The following PALM2AKAP2 variants were observed in gnomAD, a reference collection of about 807,000 sequenced individuals.
PALM2AKAP2 encodes the protein PALM2-AKAP2 fusion protein.
Under a neutral mutation model 71.5 loss-of-function variants are expected in PALM2AKAP2, and 37 were observed. That is an observed-to-expected ratio of 0.52 (90% CI 0.40 to 0.68). The LOEUF is 0.68. Ranked by LOEUF, PALM2AKAP2 falls within the 30% of genes least tolerant of loss-of-function variation. The pLI, the probability that PALM2AKAP2 is intolerant of heterozygous loss-of-function variation, is 0.00. For missense variants in PALM2AKAP2, 1,224 were observed against 1,191.8 expected (o/e 1.03, Z -0.40); for synonymous variants, 468 against 478.8 (o/e 0.98, Z 0.29).
intron 1 of PALM2AKAP2, among the ~76,000 whole-genome samples, chr9:110,111,086 C>CTTTTTTTTTTTTTTTTTTTTT (rs34958946): frequency 2.0e-4 from 17 of 84,188 alleles, no homozygotes; most frequent in African/African-American, 2.5e-4. Context: ...TTTCTTTCTT[C>CTTTTTTTTTTTTTTTTTTTTT]TTTTTTTTTT....
At chr9:109,860,263 C>T (rs1474211058) in intron 1 of PALM2AKAP2, among the ~76,000 whole-genome samples, 1 of 151,754 alleles carries the variant, frequency 6.6e-6, no homozygotes, top group East Asian at 1.9e-4. Flanking sequence ...CTTTTTTTTC[C>T]CCTCAGATGT....
rs528981600 is a variant in PALM2AKAP2, at chr9:109,935,068, C to G, written c.496+3040C>G. 4.6e-5 allele frequency among the ~76,000 whole-genome samples: 7 copies of G among 152,324 alleles called. No individual in the cohort carries two copies. The East Asian group carries it at 1.3e-3, about 29-fold the overall frequency. ...GGATTTGACAGGGCTCTGACATTCC[C>G]TCCCATTTCAAACACGCGCAGTTCC... On this transcript the variant is annotated intron_variant, in intron 6 of 9. Coordinates refer to the PALM2AKAP2 transcript ENST00000302798.
chr9:109,878,009 T>C (rs1170267327), intron 2 of PALM2AKAP2, among the ~76,000 whole-genome samples: 1 of 152,248 alleles, frequency 6.6e-6, no homozygotes, highest in Non-Finnish European at 1.5e-5. Context: ...TGGCCTCTCA[T>C]AATGTGCAAA....
chr9:109,938,700 G>A (rs1482114914), intron 6 of PALM2AKAP2, among the ~76,000 whole-genome samples: 2 of 152,126 alleles, frequency 1.3e-5, no homozygotes, highest in Admixed American at 6.6e-5. Context: ...TTAAGAAGGT[G>A]TTCTGTTCTT....
At chr9:110,154,838 G>T (rs563229749) in intron 2 of PALM2AKAP2, among the ~76,000 whole-genome samples, 1 of 152,126 alleles carries the variant, frequency 6.6e-6, no homozygotes, top group Admixed American at 6.5e-5. Context: ...GGTGTATCCT[G>T]CCAAACATAT....
chr9:109,770,043 C>G (rs947070228), intron 1 of PALM2AKAP2, among the ~76,000 whole-genome samples: 30 of 152,088 alleles, frequency 2.0e-4, no homozygotes, highest in Non-Finnish European at 4.0e-4. Flanking sequence ...GCATTTGTGC[C>G]TTTTCTGTGC....
chr9:109,869,752 C>A (rs761534535), intron 2 of PALM2AKAP2, among the ~76,000 whole-genome samples: 3 of 152,046 alleles, frequency 2.0e-5, no homozygotes, highest in Admixed American at 6.5e-5. Context: ...GACTTGGAAA[C>A]AAGGGAATCA....
At chr9:109,799,153 G>C (rs967092433) in intron 1 of PALM2AKAP2, among the ~76,000 whole-genome samples, 2 of 152,248 alleles carry the variant, frequency 1.3e-5, no homozygotes, top group African/African-American at 4.8e-5. Flanking sequence ...CAAAGGAGGA[G>C]CATGGGCAAA....
rs114525275 is a variant in PALM2AKAP2, at chr9:110,016,638, A to T, written c.582+599A>T. On this transcript the variant is annotated intron_variant, in intron 7 of 9. Coordinates refer to the PALM2AKAP2 transcript ENST00000302798. ...CATCAATTTGTAAGCACTGGCCAGA[A>T]TAAAGAATCTGTAGCAAAAGTTATC... 3.3e-3 allele frequency among the ~76,000 whole-genome samples: 506 copies of T among 152,352 alleles called. 3 individuals are homozygous for T. The highest frequency in any genetic ancestry group is 0.011 in the African/African-American group (472 of 41,578).
intron 1 of PALM2AKAP2, among the ~76,000 whole-genome samples, chr9:109,669,852 CT>C (rs1338501831): frequency 1.3e-5 from 2 of 151,794 alleles, no homozygotes; most frequent in African/African-American, 4.8e-5. Flanking sequence ...GATTTATTAA[CT>C]ATTCCAAAGT....
At chr9:109,872,108 C>T (rs1829614484) in intron 2 of PALM2AKAP2, among the ~76,000 whole-genome samples, 1 of 152,108 alleles carries the variant, frequency 6.6e-6, no homozygotes, top group Non-Finnish European at 1.5e-5. Context: ...TTAATCTGCC[C>T]ATTCCTGTGC....
At chr9:109,682,157 CTG>C (rs1307821291) in intron 1 of PALM2AKAP2, among the ~76,000 whole-genome samples, 1 of 152,184 alleles carries the variant, frequency 6.6e-6, no homozygotes, top group Non-Finnish European at 1.5e-5. Context: ...TGCCATGCCT[CTG>C]TTTATCCTAA....
chr9:109,937,779 GA>G (rs1831262581), intron 6 of PALM2AKAP2, among the ~76,000 whole-genome samples: 1 of 152,112 alleles, frequency 6.6e-6, no homozygotes, highest in Admixed American at 6.5e-5. Flanking sequence ...AAAATTTCCA[GA>G]GCTTTCCTTC....
intron 1 of PALM2AKAP2, among the ~76,000 whole-genome samples, chr9:109,734,055 C>T (rs1828594310): frequency 6.6e-6 from 1 of 152,202 alleles, no homozygotes; most frequent in African/African-American, 2.4e-5. Context: ...ATGATTTAAC[C>T]TTGACTTAAA....
chr9:109,737,364 A>G lies in PALM2AKAP2; in HGVS notation c.6-43124A>G, dbSNP rs186182121. ...ACAGCACAGTTAGGACTGTGCAGTC[A>G]TGGGAGGTGACTAACAAACTCACTG... On this transcript the variant is annotated intron_variant, in intron 1 of 6. Coordinates refer to the PALM2AKAP2 transcript ENST00000374531. Among the ~76,000 whole-genome samples the G allele has an allele frequency of 3.3e-3, 500 of 152,376 alleles. 3 individuals are homozygous for G. The highest frequency in any genetic ancestry group is 0.024 in the Middle Eastern group (7 of 294).
At chr9:109,947,618 AGAAT>A (rs915845574) in intron 6 of PALM2AKAP2, among the ~76,000 whole-genome samples, 7 of 152,228 alleles carry the variant, frequency 4.6e-5, no homozygotes, top group African/African-American at 1.7e-4. Flanking sequence ...GGACATAGAC[AGAAT>A]AAGCATCGAG....
intron 1 of PALM2AKAP2, among the ~76,000 whole-genome samples, chr9:110,053,441 T>C (rs1440314699): frequency 7.1e-6 from 1 of 141,354 alleles, no homozygotes; most frequent in Non-Finnish European, 1.5e-5. Flanking sequence ...GGTAGGAGAA[T>C]TGATTGAGCC....
upstream of PALM2AKAP2, among the ~76,000 whole-genome samples, chr9:110,047,820 G>A (rs1833627824): frequency 6.6e-6 from 1 of 152,216 alleles, no homozygotes. Context: ...TTTCTAGACG[G>A]TTCATTTTCA....
At chr9:109,653,173 C>A (rs1587854907) in intron 1 of PALM2AKAP2, among the ~76,000 whole-genome samples, 1 of 152,160 alleles carries the variant, frequency 6.6e-6, no homozygotes, top group East Asian at 1.9e-4. Flanking sequence ...AGAATGCCTG[C>A]CCCCTTGAGG....
Sources: gnomAD v4.1 joint callset for allele counts (sites outside exome capture counted in the v4.1 genomes callset) on GRCh38, gnomAD v4.1.1 for gene constraint, MANE v1.5 for transcripts, NCBI Gene and HGNC (gene_info 2026-07-23, HGNC 2026-07-21) for gene names.